The following KCNMB2 variants were observed in gnomAD, a reference collection of about 807,000 sequenced individuals.
KCNMB2 encodes calcium-activated potassium channel subunit beta-2.
Under a neutral mutation model 24.5 loss-of-function variants are expected in KCNMB2, and 9 were observed. The ratio of observed to expected loss-of-function variants is 0.37; its 90% CI spans 0.22 to 0.64. The LOEUF (loss-of-function observed/expected upper bound fraction) is 0.64. KCNMB2 is among the 30% of genes least tolerant of loss of function. KCNMB2 has a pLI of 0.63. For synonymous variants in KCNMB2, 109 were observed against 104.4 expected, an observed-to-expected ratio of 1.04 and a Z score of -0.27; for missense variants, 226 against 284.3, an observed-to-expected ratio of 0.79 and a Z score of 1.47.
chr3:178,718,373 C>A (rs1321075531), intron 1 of KCNMB2, among the ~76,000 whole-genome samples: 1 of 152,194 alleles, frequency 6.6e-6, no homozygotes, highest in Non-Finnish European at 1.5e-5. Flanking sequence ...TTCTGTCTGT[C>A]TATCTCTGTA....
At chr3:178,817,444 T>G (rs925905903) in intron 2 of KCNMB2, among the ~76,000 whole-genome samples, 3 of 152,060 alleles carry the variant, frequency 2.0e-5, no homozygotes, top group Non-Finnish European at 4.4e-5. Context: ...TGGAAGAGGC[T>G]GTGGTGGACA....
intron 1 of KCNMB2, among the ~76,000 whole-genome samples, chr3:178,559,592 T>C (rs1431034390): frequency 6.6e-6 from 1 of 151,012 alleles, no homozygotes; most frequent in Non-Finnish European, 1.5e-5. Flanking sequence ...GTATTTTATA[T>C]CACTAATTAA....
intron 1 of KCNMB2, among the ~76,000 whole-genome samples, chr3:178,803,710 A>G (rs1193097772): frequency 6.6e-6 from 1 of 152,098 alleles, no homozygotes; most frequent in African/African-American, 2.4e-5. Context: ...GGGAGCAGAG[A>G]TGAAGAAACT....
At chr3:178,841,458 T>C (rs551373541) in intron 4 of KCNMB2, 12 of 152,286 alleles carry the variant, frequency 7.9e-5, no homozygotes, top group African/African-American at 2.6e-4. Context: ...TGGTACCAAT[T>C]CTCTGTATTA....
At chr3:178,792,908 G>A (rs979157573) in intron 1 of KCNMB2, among the ~76,000 whole-genome samples, 3 of 152,234 alleles carry the variant, frequency 2.0e-5, no homozygotes, top group Non-Finnish European at 2.9e-5. Flanking sequence ...GCACCTGTCT[G>A]AGCACTGGGC....
intron 2 of KCNMB2, among the ~76,000 whole-genome samples, chr3:178,810,751 T>C (rs1398487729): frequency 6.6e-6 from 1 of 152,158 alleles, no homozygotes; most frequent in Non-Finnish European, 1.5e-5. Flanking sequence ...TTCATTTTTT[T>C]TGAGATGGAG....
chr3:178,618,257 T>C (rs1201203984), intron 1 of KCNMB2, among the ~76,000 whole-genome samples: 1 of 152,216 alleles, frequency 6.6e-6, no homozygotes, highest in African/African-American at 2.4e-5. Flanking sequence ...GTTATTACCA[T>C]TAACATTTTC....
intron 1 of KCNMB2, among the ~76,000 whole-genome samples, chr3:178,721,758 C>T (rs569850621): frequency 1.2e-4 from 18 of 152,226 alleles, no homozygotes; most frequent in African/African-American, 2.9e-4. Flanking sequence ...AGTGTGTTTC[C>T]GCTTTCGCCA....
chr3:178,737,745 A>G (rs553918528), intron 1 of KCNMB2, among the ~76,000 whole-genome samples: 9 of 152,352 alleles, frequency 5.9e-5, no homozygotes, highest in African/African-American at 2.2e-4. Flanking sequence ...GTGGCTTAAG[A>G]GAGCTACACA....
intron 1 of KCNMB2, among the ~76,000 whole-genome samples, chr3:178,564,834 T>C (rs951705962): frequency 6.6e-6 from 1 of 152,182 alleles, no homozygotes; most frequent in Admixed American, 6.5e-5. Flanking sequence ...AGAAATACTT[T>C]TTCATGTGTG....
chr3:178,616,115 G>A (rs755960535), intron 1 of KCNMB2, among the ~76,000 whole-genome samples: 1 of 152,002 alleles, frequency 6.6e-6, no homozygotes, highest in Non-Finnish European at 1.5e-5. Flanking sequence ...TTGGATTTGT[G>A]AGCTATGCAG....
At chr3:178,784,828 TG>T (rs1490803551) in intron 1 of KCNMB2, among the ~76,000 whole-genome samples, 1 of 150,854 alleles carries the variant, frequency 6.6e-6, no homozygotes, top group African/African-American at 2.4e-5. Flanking sequence ...AAAAGTCTTT[TG>T]TTGTTGGATC....
At chr3:178,624,244 ATTTTTTTTT>A (rs35333167) in intron 1 of KCNMB2, among the ~76,000 whole-genome samples, 1 of 144,226 alleles carries the variant, frequency 6.9e-6, no homozygotes. Flanking sequence ...TTACTGGGTA[ATTTTTTTTT>A]TTTTTTTTTT....
chr3:178,744,509 A>T (rs1270220112), intron 1 of KCNMB2, among the ~76,000 whole-genome samples: 2 of 152,180 alleles, frequency 1.3e-5, no homozygotes, highest in African/African-American at 4.8e-5. Flanking sequence ...ACTATGTGCT[A>T]TGCTAAATGT....
intron 1 of KCNMB2, among the ~76,000 whole-genome samples, chr3:178,784,275 C>A (rs1490368242): frequency 6.6e-6 from 1 of 152,178 alleles, no homozygotes; most frequent in Non-Finnish European, 1.5e-5. Context: ...TTACAACCTT[C>A]ATTTTTACAG....
At position 178,842,719 on chromosome 3, in the gene KCNMB2, G is replaced by C; in HGVS notation, c.490G>C (p.Glu164Gln). 6.2e-7 allele frequency: 1 copy of C among 1,613,492 alleles called. No individual in the cohort carries two copies. Among genetic ancestry groups the C allele is most frequent in the Non-Finnish European group, 8.5e-7 (1 of 1,179,458 alleles). Residue 164 changes from glutamate (E) to glutamine (Q), a missense_variant, in exon 5 of 5, where the codon GAA becomes CAA. Coordinates refer to ENST00000452583, the MANE Select transcript of KCNMB2 (RefSeq NM_181361.3). Reference sequence around the variant, plus strand: ...CATGTCCCTGGTGAATGTTGTCATGGAAAACTTCAGGAAGTATCAACACTT... The same window carrying C: ...CATGTCCCTGGTGAATGTTGTCATGCAAAACTTCAGGAAGTATCAACACTT... ...ESMSLVNVVM[E>Q]NFRKYQHFSC...
chr3:178,550,618 T>C (rs116104450), intron 1 of KCNMB2, among the ~76,000 whole-genome samples: 610 of 152,300 alleles, frequency 4.0e-3, no homozygotes, highest in African/African-American at 0.014. Flanking sequence ...GTGCTTTGGA[T>C]ATTTTAATAG....
intron 1 of KCNMB2, among the ~76,000 whole-genome samples, chr3:178,664,464 C>T (rs764027748): frequency 2.6e-5 from 4 of 151,982 alleles, no homozygotes; most frequent in Non-Finnish European, 5.9e-5. Flanking sequence ...CTCTTTGCTA[C>T]ACTATTATAT....
intron 1 of KCNMB2, among the ~76,000 whole-genome samples, chr3:178,547,327 T>G (rs924531777): frequency 1.3e-5 from 2 of 152,190 alleles, no homozygotes; most frequent in African/African-American, 4.8e-5. Flanking sequence ...CAGCATAAAA[T>G]GAACTAAGAC....
Sources: gnomAD v4.1 joint callset for allele counts (sites outside exome capture counted in the v4.1 genomes callset) on GRCh38, gnomAD v4.1.1 for gene constraint, MANE v1.5 for transcripts, NCBI Gene and HGNC (gene_info 2026-07-23, HGNC 2026-07-21) for gene names.